The following MCCC1 variants were observed in gnomAD, a reference collection of about 807,000 sequenced individuals.
MCCC1 encodes the protein methylcrotonoyl-CoA carboxylase subunit alpha, mitochondrial.
A neutral mutation model predicts 83.8 loss-of-function variants in MCCC1; 64 were observed. The observed-to-expected ratio is 0.76, with a 90% CI of 0.62 to 0.94. The LOEUF (loss-of-function observed/expected upper bound fraction) is 0.94. Among genes scored for constraint, MCCC1 ranks in the 40% least tolerant of loss-of-function variants. The pLI, the probability that MCCC1 is intolerant of heterozygous loss-of-function variation, is 0.00. For missense variants in MCCC1, 807 were observed against 904.7 expected (o/e 0.89, Z 1.39); for synonymous variants, 322 against 315.4 (o/e 1.02, Z -0.22).
At chr3:183,085,360 C>CT (rs558004300) in intron 4 of MCCC1, among the ~76,000 whole-genome samples, 93 of 152,158 alleles carry the variant, frequency 6.1e-4, no homozygotes, top group African/African-American at 2.1e-3. Flanking sequence ...ATACAAACTC[C>CT]TTATCAAGAC....
At chr3:183,032,155 TA>T (rs1373984009) in intron 14 of MCCC1, among the ~76,000 whole-genome samples, 1 of 152,244 alleles carries the variant, frequency 6.6e-6, no homozygotes, top group African/African-American at 2.4e-5. Context: ...ATTATGTATT[TA>T]TTTTTTCATG....
intron 8 of MCCC1, 35 bp downstream of exon 8, chr3:183,057,276 G>T: frequency 6.9e-7 from 1 of 1,439,384 alleles, no homozygotes; most frequent in East Asian, 2.4e-5. Flanking sequence ...TTCACATTAC[G>T]GAGAAGCTTA....
chr3:183,051,820 A>G (rs1478731369), intron 9 of MCCC1, among the ~76,000 whole-genome samples: 2 of 152,112 alleles, frequency 1.3e-5, no homozygotes, highest in African/African-American at 4.8e-5. Context: ...CTTTTGCTCA[A>G]TTTTGCTGTA....
intron 18 of MCCC1, among the ~76,000 whole-genome samples, chr3:183,016,581 G>A (rs572215118): frequency 1.3e-5 from 2 of 152,322 alleles, no homozygotes; most frequent in East Asian, 3.9e-4. Flanking sequence ...GCAATTCAAT[G>A]GGTCTGGGGA....
chr3:183,019,173 C>A (rs926972577), intron 17 of MCCC1, among the ~76,000 whole-genome samples: 2 of 151,862 alleles, frequency 1.3e-5, no homozygotes, highest in African/African-American at 4.8e-5. Flanking sequence ...TTTTTTTGTT[C>A]CAAGCATATA....
upstream of MCCC1, among the ~76,000 whole-genome samples, chr3:183,101,624 C>G (rs1719306791): frequency 6.6e-6 from 1 of 152,230 alleles, no homozygotes; most frequent in South Asian, 2.1e-4. Flanking sequence ...CCACTGGGCT[C>G]TACCAATCAG....
In MCCC1 at chr3:183,099,369, G is replaced by T. The variant is rs763642722; in HGVS notation, c.72C>A (p.Ser24Arg). The T allele has an allele frequency of 1.2e-6, 2 of 1,601,576 alleles. No homozygotes were observed. Among genetic ancestry groups the T allele is most frequent in the Admixed American group, 1.7e-5 (1 of 59,056 alleles). Residue 24 changes from serine to arginine, a missense_variant, in exon 1 of 19, where the codon AGC becomes AGA. Ser to Arg is a moderately radical substitution (Grantham distance 110). Transcript: ENST00000265594. The part of the protein sequence containing the change: ...AERNRWHRLP[S>R]LLLPPRTWVW... The stretch of plus-strand genomic sequence containing the variant: ...CCACCCACCTCGGCGGCAGGAGCAG[G>T]CTCGGGAGACGATGCCACCGGTTCC...
intron 7 of MCCC1, among the ~76,000 whole-genome samples, chr3:183,068,772 A>T (rs1716436590): frequency 6.6e-6 from 1 of 152,148 alleles, no homozygotes; most frequent in African/African-American, 2.4e-5. Flanking sequence ...TACCTTTCCT[A>T]TGTTTTGAGA....
intron 7 of MCCC1, among the ~76,000 whole-genome samples, chr3:183,065,387 T>C (rs1315269393): frequency 1.3e-5 from 2 of 152,160 alleles, no homozygotes; most frequent in Non-Finnish European, 2.9e-5. Context: ...TTATATGTGT[T>C]GTGTGTGTGA....
At chr3:183,060,017 T>A (rs1477266692) in intron 7 of MCCC1, among the ~76,000 whole-genome samples, 1 of 152,226 alleles carries the variant, frequency 6.6e-6, no homozygotes, top group Admixed American at 6.5e-5. Context: ...TAGTTTTGCA[T>A]CTGTCAACAA....
chr3:183,100,499 G>C (rs1457933905), upstream of MCCC1, among the ~76,000 whole-genome samples: 1 of 152,154 alleles, frequency 6.6e-6, no homozygotes, highest in African/African-American at 2.4e-5. Flanking sequence ...ATGAGTAATT[G>C]ACTCAAATGC....
chr3:183,071,243 G>A lies in MCCC1; in HGVS notation c.606C>T (p.Val202=). The part of the protein sequence containing the change: ...KEHARRIGYP[V]MIKAVRGGGG... ...CTCCACCCCGGACGGCTTTAATCAT[G>A]ACAGGATAGCCAATTCTCCTGGCGT... Residue 202 remains valine (V), a synonymous_variant, in exon 6 of 19, where the codon GTC becomes GTT. Coordinates refer to ENST00000265594, the MANE Select transcript of MCCC1 (RefSeq NM_020166.5). 6.2e-7 allele frequency: 1 copy of A among 1,614,214 alleles called. No homozygotes were observed. Among genetic ancestry groups the A allele is most frequent in the Non-Finnish European group, 8.5e-7 (1 of 1,180,044 alleles).
intron 13 of MCCC1, among the ~76,000 whole-genome samples, chr3:183,035,451 G>A (rs1358452886): frequency 1.3e-5 from 2 of 151,154 alleles, no homozygotes; most frequent in African/African-American, 2.4e-5. Context: ...AATAATACGG[G>A]TTCAGTATCA....
rs1716755268 is a variant in MCCC1 at position 183,072,310 on chromosome 3, CA to C, written c.491+55del. 2.5e-6 allele frequency: 4 copies of C among 1,603,744 alleles called. No individual in the cohort carries two copies. In the East Asian group the frequency reaches 9.0e-5, roughly 36 times the overall value. ...TACAGGCATAGCCACATGCCTGGCC[CA>C]AACTATTTCAACTGACCTTCATACA... is the stretch of plus-strand genomic sequence containing the variant. On this transcript the variant is annotated intron_variant, in intron 5 of 18. Coordinates refer to ENST00000265594, the MANE Select transcript of MCCC1 (RefSeq NM_020166.5).
chr3:183,099,227 C>T (rs766163450), intron 1 of MCCC1, 125 bp downstream of exon 1: 3 of 1,119,290 alleles, frequency 2.7e-6, no homozygotes, highest in Admixed American at 2.0e-5. Flanking sequence ...TCCGAAAGTG[C>T]CTGGGGTTTT....
chr3:183,086,827 C>T (rs957068715), intron 3 of MCCC1, 39 bp from the exon 4 acceptor site: 1 of 1,552,062 alleles, frequency 6.4e-7, no homozygotes, highest in African/African-American at 1.4e-5. Context: ...GACTTTGTGG[C>T]TAGTACATAC....
intron 4 of MCCC1, among the ~76,000 whole-genome samples, chr3:183,081,322 C>G (rs1026516887): frequency 6.6e-6 from 1 of 152,170 alleles, no homozygotes; most frequent in Non-Finnish European, 1.5e-5. Flanking sequence ...GTTCATTGCA[C>G]GGTACTAACA....
At chr3:183,022,392 G>A in intron 16 of MCCC1, 25 bp downstream of exon 16, 2 of 1,612,956 alleles carry the variant, frequency 1.2e-6, no homozygotes, top group African/African-American at 2.7e-5. Flanking sequence ...GCCCCAGGAG[G>A]GATATTATAA....
intron 7 of MCCC1, among the ~76,000 whole-genome samples, chr3:183,069,455 C>T (rs1181580188): frequency 1.3e-5 from 2 of 152,222 alleles, no homozygotes; most frequent in East Asian, 3.9e-4. Context: ...TGAAAGGAAG[C>T]CTTCAATGTA....
Sources: gnomAD v4.1 joint callset for allele counts (sites outside exome capture counted in the v4.1 genomes callset) on GRCh38, gnomAD v4.1.1 for gene constraint, MANE v1.5 for transcripts, NCBI Gene and HGNC (gene_info 2026-07-23, HGNC 2026-07-21) for gene names.